COL28A1: variants seen among roughly 807,000 people sequenced by gnomAD.
COL28A1 encodes collagen alpha-1(XXVIII) chain.
COL28A1 carries 161 observed loss-of-function variants against 150.2 expected under a neutral mutation model. The observed-to-expected ratio is 1.07, with a 90% CI of 0.94 to 1.22. The LOEUF (loss-of-function observed/expected upper bound fraction) is 1.22, where lower values mean the gene tolerates loss of function less well. Among genes scored for constraint, COL28A1 ranks in the 50% most tolerant of loss-of-function variants. COL28A1 has a pLI of 0.00. For synonymous variants in COL28A1, 552 were observed against 469.7 expected, an observed-to-expected ratio of 1.18 and a Z score of -2.26; for missense variants, 1,617 against 1,388.3, an observed-to-expected ratio of 1.16 and a Z score of -2.62.
chr7:7,507,504 T>C (rs1780877563), intron 9 of COL28A1, among the ~76,000 whole-genome samples: 1 of 152,230 alleles, frequency 6.6e-6, no homozygotes, highest in Non-Finnish European at 1.5e-5. Flanking sequence ...GACAGGGTAA[T>C]GTCAGTTAAA....
intron 27 of COL28A1, among the ~76,000 whole-genome samples, chr7:7,404,421 C>G (rs1022419954): frequency 1.3e-5 from 2 of 152,062 alleles, no homozygotes; most frequent in Non-Finnish European, 2.9e-5. Flanking sequence ...CCTAAGAAGG[C>G]CTATGTGGCT....
the COL28A1 span, among the ~76,000 whole-genome samples, chr7:7,343,626 G>A: frequency 2.4e-4 from 36 of 152,102 alleles, no homozygotes; most frequent in African/African-American, 7.7e-4. Flanking sequence ...ATGTGAGTAC[G>A]TCCATTCCAG....
At chr7:7,438,283 T>C (rs1446266812) in intron 21 of COL28A1, among the ~76,000 whole-genome samples, 1 of 152,092 alleles carries the variant, frequency 6.6e-6, no homozygotes, top group Non-Finnish European at 1.5e-5. Flanking sequence ...TTTAAAAAAA[T>C]GACATTTTTA....
At chr7:7,432,861 T>A (rs189056752) in intron 23 of COL28A1, among the ~76,000 whole-genome samples, 161 bp from the exon 24 acceptor site, 1 of 152,188 alleles carries the variant, frequency 6.6e-6, no homozygotes, top group Non-Finnish European at 1.5e-5. Context: ...TTATAAATTT[T>A]TAGTGCATCG....
rs542764784 is a variant in COL28A1 at position 7,486,736 on chromosome 7, T to G, written c.1164+2653A>C. Among the ~76,000 whole-genome samples, 4 of 152,336 alleles carry G rather than the reference T, an allele frequency of 2.6e-5. No homozygotes were observed. The East Asian group carries it at 7.7e-4, about 29-fold the overall frequency. ...TTCTTTAGCCTATTAATATGGTGTA[T>G]TCCATTGATTAATTTTCAATTATTA... On this transcript the variant is annotated intron_variant, in intron 13 of 34. Coordinates refer to ENST00000399429, the MANE Select transcript of COL28A1 (RefSeq NM_001037763.3).
At chr7:7,391,056 T>C (rs1056782075) in intron 27 of COL28A1, among the ~76,000 whole-genome samples, 1 of 152,200 alleles carries the variant, frequency 6.6e-6, no homozygotes, top group East Asian at 1.9e-4. Context: ...TCTAGTTCTT[T>C]AGTTGCGATG....
chr7:7,470,897 T>A (rs1382792703), intron 15 of COL28A1, among the ~76,000 whole-genome samples: 8 of 116,180 alleles, frequency 6.9e-5, no homozygotes, highest in Non-Finnish European at 1.2e-4. Context: ...CACTCATAGG[T>A]GGGAATTGAA....
intron 25 of COL28A1, 79 bp downstream of exon 25, chr7:7,432,394 A>T: frequency 8.5e-7 from 1 of 1,182,208 alleles, no homozygotes; most frequent in Non-Finnish European, 1.2e-6. Context: ...TAGCTGATAA[A>T]AAATTTTATT....
chr7:7,411,184 C>A (rs1484406431), intron 27 of COL28A1, among the ~76,000 whole-genome samples: 1 of 152,048 alleles, frequency 6.6e-6, no homozygotes, highest in Admixed American at 6.6e-5. Context: ...TTAAAAGAGC[C>A]CTTGGAGTTT....
chr7:7,380,785 T>G lies in COL28A1; in HGVS notation c.2283A>C (p.Lys761Asn). The G allele has an allele frequency of 6.2e-7, 1 of 1,613,598 alleles. No homozygotes were observed. ...TGAGACATTAAAAACTACTTGCCTGTTTTCCTGGAGATCCAGGCTCTCCAA... is the reference window on the plus strand; with the variant it reads ...TGAGACATTAAAAACTACTTGCCTGGTTTCCTGGAGATCCAGGCTCTCCAA... Reference protein sequence around the residue: ...GEIGEPGSPGKQGLQGPKGDL... With the variant: ...GEIGEPGSPGNQGLQGPKGDL... Residue 761 changes from lysine to asparagine, a missense_variant, in exon 29 of 35, where the codon AAA (lysine) becomes AAC (asparagine). Coordinates refer to ENST00000399429, the MANE Select transcript of COL28A1 (RefSeq NM_001037763.3).
chr7:7,449,049 A>T (rs1286795091), intron 18 of COL28A1, among the ~76,000 whole-genome samples: 1 of 152,126 alleles, frequency 6.6e-6, no homozygotes, highest in Non-Finnish European at 1.5e-5. Context: ...TGATTGCAGT[A>T]ATGATTCCAA....
At chr7:7,398,202 C>T (rs1012766436) in intron 27 of COL28A1, among the ~76,000 whole-genome samples, 2 of 152,146 alleles carry the variant, frequency 1.3e-5, no homozygotes, top group East Asian at 3.8e-4. Flanking sequence ...TCTTCAGAGG[C>T]CATTCTTCTG....
At chr7:7,503,248 G>T (rs1280891391) in intron 11 of COL28A1, among the ~76,000 whole-genome samples, 1 of 152,172 alleles carries the variant, frequency 6.6e-6, no homozygotes, top group Non-Finnish European at 1.5e-5. Context: ...TGTAGACTTG[G>T]ACCCATTGCT....
At chr7:7,487,398 T>C (rs1779685483) in intron 13 of COL28A1, among the ~76,000 whole-genome samples, 1 of 151,956 alleles carries the variant, frequency 6.6e-6, no homozygotes, top group African/African-American at 2.4e-5. Flanking sequence ...GCCAATATGG[T>C]GAAACCCTGT....
At chr7:7,479,169 C>G (rs1322934924) in intron 13 of COL28A1, among the ~76,000 whole-genome samples, 1 of 152,216 alleles carries the variant, frequency 6.6e-6, no homozygotes, top group African/African-American at 2.4e-5. Context: ...TTAAACCAAT[C>G]CCCCATGAAT....
upstream of COL28A1, among the ~76,000 whole-genome samples, chr7:7,540,368 T>C (rs1192318432): frequency 2.0e-5 from 3 of 152,250 alleles, no homozygotes; most frequent in Non-Finnish European, 2.9e-5. Flanking sequence ...GTGAATTATT[T>C]GATAACCACT....
At chr7:7,438,589 C>T (rs1329972297) in intron 21 of COL28A1, among the ~76,000 whole-genome samples, 1 of 152,192 alleles carries the variant, frequency 6.6e-6, no homozygotes, top group Non-Finnish European at 1.5e-5. Flanking sequence ...GCAAGGTGTT[C>T]CAAATGACCC....
chr7:7,443,504 C>T, intron 20 of COL28A1, 81 bp downstream of exon 20: 1 of 1,577,340 alleles, frequency 6.3e-7, no homozygotes, highest in South Asian at 1.2e-5. Flanking sequence ...GTAAGAATAA[C>T]AATCAAATTT....
intron 27 of COL28A1, chr7:7,417,622 C>A: frequency 2.1e-6 from 1 of 481,146 alleles, no homozygotes; most frequent in Non-Finnish European, 3.6e-6. Flanking sequence ...AGCAACAAAC[C>A]ATAGAACAGT....
Sources: gnomAD v4.1 joint callset for allele counts (sites outside exome capture counted in the v4.1 genomes callset) on GRCh38, gnomAD v4.1.1 for gene constraint, MANE v1.5 for transcripts, NCBI Gene and HGNC (gene_info 2026-07-23, HGNC 2026-07-21) for gene names.